FSD2: variants seen among roughly 807,000 people sequenced by gnomAD.
FSD2 encodes the protein fibronectin type III and SPRY domain containing 2.
In FSD2, 71 loss-of-function variants were observed where a neutral mutation model predicts 80.4. The ratio of observed to expected loss-of-function variants is 0.88; its 90% CI spans 0.73 to 1.08. The LOEUF (loss-of-function observed/expected upper bound fraction) is 1.08, where lower values mean the gene tolerates loss of function less well. Among genes scored for constraint, FSD2 ranks in the 50% least tolerant of loss-of-function variants. FSD2 has a pLI of 0.00. For synonymous variants in FSD2, 361 were observed against 329.5 expected (o/e 1.10, Z -1.03); for missense variants, 923 against 913.8 (o/e 1.01, Z -0.13).
chr15:82,769,714 T>G, intron 8 of FSD2, 36 bp downstream of exon 8: 1 of 1,582,896 alleles, frequency 6.3e-7, no homozygotes, highest in Non-Finnish European at 8.6e-7. Context: ...TCCGCTTGAA[T>G]GAAAGCCCTG....
intron 4 of FSD2, among the ~76,000 whole-genome samples, chr15:82,781,841 C>G (rs555217748): frequency 6.6e-6 from 1 of 150,404 alleles, no homozygotes; most frequent in African/African-American, 2.4e-5. Flanking sequence ...AGGTGGATCA[C>G]GAGGTCAGAG....
At position 82,761,682 on chromosome 15, in the gene FSD2, A is replaced by T. The variant is rs566941419; in HGVS notation, c.1997+420T>A. On this transcript the variant is annotated intron_variant, in intron 12 of 12. Transcript: ENST00000334574. ...TTATTTTATTTTATTTTTTTATTTT[A>T]TTATTTTTTTTTTTTTAGAGACGGG... Among the ~76,000 whole-genome samples, 4 of 148,186 alleles carry T rather than the reference A, an allele frequency of 2.7e-5. No individual in the cohort carries two copies. The East Asian group carries it at 7.8e-4, about 29-fold the overall frequency.
Position 82,758,935 on chromosome 15 carries a change from C to T in FSD2, c.*413G>A, listed in dbSNP as rs1463740892. On this transcript the variant is annotated 3_prime_UTR_variant, in exon 13 of 13. Transcript: ENST00000334574. ...TGGTTCTCTACAGACAGCCTCTCGC[C>T]TTCTCAAGTGTATTCTTGGCTGACT... is the stretch of plus-strand genomic sequence containing the variant. 5.6e-6 allele frequency: 1 copy of T among 178,462 alleles called. No individual in the cohort carries two copies. Among genetic ancestry groups the T allele is most frequent in the Admixed American group, 5.5e-5 (1 of 18,034 alleles). The allele number at this position is 178,462 out of a possible 1,614,324, so 11.1% of individuals were successfully genotyped here. A position where few individuals can be genotyped will look rare whatever the true frequency, so the allele number is the denominator to read the frequency against.
At chr15:82,776,872 A>G (rs1232625800) in intron 6 of FSD2, among the ~76,000 whole-genome samples, 4 of 152,248 alleles carry the variant, frequency 2.6e-5, no homozygotes, top group Non-Finnish European at 4.4e-5. Context: ...TGGTACAGGC[A>G]TAAGGACAGA....
chr15:82,767,145 C>T (rs2049441951), intron 9 of FSD2, among the ~76,000 whole-genome samples: 1 of 152,158 alleles, frequency 6.6e-6, no homozygotes, highest in Admixed American at 6.5e-5. Flanking sequence ...GTAGTTCCTG[C>T]CCTCATAGAG....
chr15:82,799,304 C>T (rs2050354638), intron 1 of FSD2, among the ~76,000 whole-genome samples: 1 of 152,158 alleles, frequency 6.6e-6, no homozygotes, highest in Non-Finnish European at 1.5e-5. Context: ...TCTGTGTCCC[C>T]CGGCTCAGCT....
chr15:82,786,337 G>A (rs1472278535), intron 3 of FSD2, among the ~76,000 whole-genome samples, 174 bp downstream of exon 3: 4 of 152,174 alleles, frequency 2.6e-5, no homozygotes, highest in South Asian at 4.1e-4. Context: ...GTTCCATGAC[G>A]TCCATGCCCA....
At position 82,772,120 on chromosome 15, in the gene FSD2, A is replaced by C; in HGVS notation, c.1220T>G (p.Leu407Arg). The C allele has an allele frequency of 1.2e-6, 2 of 1,606,716 alleles. No homozygotes were observed. The highest frequency in any genetic ancestry group is 1.7e-6 in the Non-Finnish European group (2 of 1,177,322). Residue 407 changes from leucine (L) to arginine (R), a missense_variant, in exon 7 of 13, where the codon CTG (leucine) becomes CGG (arginine). By Grantham distance (102) the Leu-to-Arg change is moderately radical. Coordinates refer to ENST00000334574, the MANE Select transcript of FSD2 (RefSeq NM_001007122.4). ...GCTGTCCTGCACTGGCCGGTAGGAC[A>C]GCTGATAGCTCTCCACAGTGTCGTC... ...YSDDTVESYQLSYRPVQDSSP... is the reference protein window; with the variant it reads ...YSDDTVESYQRSYRPVQDSSP...
At chr15:82,769,388 G>A (rs1373744531) in intron 8 of FSD2, among the ~76,000 whole-genome samples, 1 of 151,064 alleles carries the variant, frequency 6.6e-6, no homozygotes, top group African/African-American at 2.4e-5. Context: ...TGGCCAACAT[G>A]GCGAAATGCC....
At chr15:82,802,580 G>T (rs112594242) in intron 1 of FSD2, among the ~76,000 whole-genome samples, 170 of 152,252 alleles carry the variant, frequency 1.1e-3, no homozygotes, top group African/African-American at 3.9e-3. Flanking sequence ...TTGGCATCAT[G>T]GGGGAGGAAG....
At chr15:82,778,693 T>C in intron 6 of FSD2, 73 bp downstream of exon 6, 1 of 1,481,054 alleles carries the variant, frequency 6.8e-7, no homozygotes, top group East Asian at 2.5e-5. Context: ...TCATGCTAAG[T>C]GTTCTCATCA....
At chr15:82,800,514 A>G (rs1383664727) in intron 1 of FSD2, among the ~76,000 whole-genome samples, 3 of 151,882 alleles carry the variant, frequency 2.0e-5, no homozygotes, top group African/African-American at 7.3e-5. Context: ...CAACATGGTG[A>G]AACCCCGTCT....
At chr15:82,786,667 A>C (rs2050005220) in intron 2 of FSD2, 61 bp from the exon 3 acceptor site, 2 of 1,605,932 alleles carry the variant, frequency 1.2e-6, no homozygotes, top group Non-Finnish European at 1.7e-6. Context: ...CTCTTGTAGA[A>C]GGCGTTTTAG....
At chr15:82,764,276 G>A (rs1380880140) in intron 11 of FSD2, among the ~76,000 whole-genome samples, 1 of 151,814 alleles carries the variant, frequency 6.6e-6, no homozygotes, top group Non-Finnish European at 1.5e-5. Context: ...ATTTGCATAG[G>A]GTGTACACCC....
At position 82,762,096 on chromosome 15, in the gene FSD2, C is replaced by T; in HGVS notation, c.1997+6G>A. On this transcript the variant is annotated splice_donor_region_variant and intron_variant, in intron 12 of 12. Coordinates refer to ENST00000334574, the MANE Select transcript of FSD2 (RefSeq NM_001007122.4). ...TTTAATTGTGAGTATCCAGATTTTA[C>T]TTTACCTTGATGATGCAAATGTGTG... 1 of 1,573,812 alleles carries T rather than the reference C, an allele frequency of 6.4e-7. No individual in the cohort carries two copies. Among genetic ancestry groups the T allele is most frequent in the Non-Finnish European group, 8.6e-7 (1 of 1,160,574 alleles).
Position 82,786,926 on chromosome 15 carries a change from G to A in FSD2, c.465C>T (p.Gly155=). 1.2e-6 allele frequency: 2 copies of A among 1,613,970 alleles called. No individual in the cohort carries two copies. Among genetic ancestry groups the A allele is most frequent in the Non-Finnish European group, 1.7e-6 (2 of 1,179,886 alleles). The change falls in exon 2 of 13, where the codon GGC becomes GGT. Residue 155 remains glycine, a synonymous_variant. Coordinates refer to ENST00000334574, the MANE Select transcript of FSD2 (RefSeq NM_001007122.4). ...DLREAYRYTH[G]RASEEYECYV... Reference sequence around the variant, plus strand: ...AGCATTCATACTCCTCGCTGGCACGGCCGTGTGTGTACCTATAGGCTTCCC... The same window carrying A: ...AGCATTCATACTCCTCGCTGGCACGACCGTGTGTGTACCTATAGGCTTCCC...
Position 82,757,608 on chromosome 15 carries a change from AGGCGTGAGCCAC to A in FSD2, c.*1728_*1739del, listed in dbSNP as rs2049203520. 2 of 152,274 alleles carry A rather than the reference AGGCGTGAGCCAC, an allele frequency of 1.3e-5. No individual in the cohort carries two copies. The highest frequency in any genetic ancestry group is 1.3e-4 in the Admixed American group (2 of 15,274). 9.4% of individuals were successfully genotyped at this position (152,274 alleles called of 1,614,324 possible). A position where few individuals can be genotyped will look rare whatever the true frequency, so the allele number is the denominator to read the frequency against. On this transcript the variant is annotated 3_prime_UTR_variant, in exon 13 of 13. Coordinates refer to ENST00000334574, the MANE Select transcript of FSD2 (RefSeq NM_001007122.4). ...TGGCCCCCCAAAGTGCTGGGATTAC[AGGCGTGAGCCAC>A]CGCGCCCGGCCGAGAACATTTTTAA... is the stretch of plus-strand genomic sequence containing the variant.
intron 6 of FSD2, among the ~76,000 whole-genome samples, chr15:82,775,599 T>A (rs2049697422): frequency 1.3e-5 from 2 of 152,148 alleles, no homozygotes; most frequent in South Asian, 4.1e-4. Flanking sequence ...CACCACTGAG[T>A]ATGATGTTAG....
Position 82,759,244 on chromosome 15 carries a change from T to A in FSD2, c.*104A>T, listed in dbSNP as rs926492079. The A allele has an allele frequency of 4.8e-6, 6 of 1,240,422 alleles. No individual in the cohort carries two copies. The highest frequency in any genetic ancestry group is 4.5e-5 in the African/African-American group (3 of 66,170). The allele number at this position is 1,240,422 out of a possible 1,614,324, so 76.8% of individuals were successfully genotyped here. On this transcript the variant is annotated 3_prime_UTR_variant, in exon 13 of 13. Transcript: ENST00000334574. ...TCAGATAATAGCATGAGCCATAAATTGTGCTGGGCACATGGTGCTTAAGTG... is the reference window on the plus strand; with the variant it reads ...TCAGATAATAGCATGAGCCATAAATAGTGCTGGGCACATGGTGCTTAAGTG...
Sources: gnomAD v4.1 joint callset for allele counts (sites outside exome capture counted in the v4.1 genomes callset) on GRCh38, gnomAD v4.1.1 for gene constraint, MANE v1.5 for transcripts, NCBI Gene and HGNC (gene_info 2026-07-23, HGNC 2026-07-21) for gene names.